Variants in PRKG1 observed in about 807,000 individuals in gnomAD.
PRKG1 encodes the protein cGMP-dependent protein kinase 1.
In PRKG1, 35 loss-of-function variants were observed where a neutral mutation model predicts 88.1. The observed-to-expected ratio is 0.40, with a 90% confidence interval of 0.30 to 0.53. The LOEUF is 0.53. Among genes scored for constraint, PRKG1 ranks in the 20% least tolerant of loss-of-function variants. PRKG1 has a pLI of 0.59. For missense variants in PRKG1, 540 were observed against 839.8 expected (o/e 0.64, Z 4.41); for synonymous variants, 303 against 292.5 (o/e 1.04, Z -0.37).
At chr10:52,081,922 A>G (rs180686547) in intron 7 of PRKG1, among the ~76,000 whole-genome samples, 105 of 152,238 alleles carry the variant, frequency 6.9e-4, no homozygotes, top group Non-Finnish European at 1.3e-3. Context: ...TAAACTGACC[A>G]TTTAATATCC....
intron 7 of PRKG1, among the ~76,000 whole-genome samples, chr10:52,114,589 G>T (rs1847644370): frequency 6.7e-6 from 1 of 149,354 alleles, no homozygotes; most frequent in East Asian, 1.9e-4. Flanking sequence ...CTTTTAAGCA[G>T]CAAATACCTA....
intron 8 of PRKG1, among the ~76,000 whole-genome samples, chr10:52,153,229 G>C (rs1837987673): frequency 6.6e-6 from 1 of 152,018 alleles, no homozygotes; most frequent in African/African-American, 2.4e-5. Flanking sequence ...GTGAAAAAAA[G>C]CATAGAAATA....
intron 3 of PRKG1, among the ~76,000 whole-genome samples, chr10:51,673,638 C>T (rs1840638225): frequency 6.6e-6 from 1 of 152,102 alleles, no homozygotes; most frequent in African/African-American, 2.4e-5. Context: ...TCTTGTGACC[C>T]CACTGTGTTT....
At chr10:51,357,962 T>A (rs1227657481) in intron 2 of PRKG1, among the ~76,000 whole-genome samples, 1 of 151,166 alleles carries the variant, frequency 6.6e-6, no homozygotes, top group Non-Finnish European at 1.5e-5. Context: ...ATTTCTAGAT[T>A]TTTTTTTAAG....
At chr10:51,487,147 C>A (rs2879571) in intron 3 of PRKG1, among the ~76,000 whole-genome samples, 1 of 152,034 alleles carries the variant, frequency 6.6e-6, no homozygotes, top group East Asian at 1.9e-4. Flanking sequence ...GCCAGTAACA[C>A]CTGTTCAAGA....
At position 51,078,653 on chromosome 10, in the gene PRKG1, A is replaced by G. The variant is rs543669545; in HGVS notation, c.311+3752A>G. Among the ~76,000 whole-genome samples, 23 of 149,430 alleles carry G rather than the reference A, an allele frequency of 1.5e-4. No homozygotes were observed. The East Asian group carries it at 1.6e-3, about 10-fold the overall frequency. On this transcript the variant is annotated intron_variant, in intron 1 of 17. Coordinates refer to ENST00000373980, the MANE Select transcript of PRKG1 (RefSeq NM_006258.4). Reference sequence around the variant, plus strand: ...ATTTATTGAGACGGAGTCTCGCTCTATCGCCCAGGCTGGAGTGCAGTGGTG... The same window carrying G: ...ATTTATTGAGACGGAGTCTCGCTCTGTCGCCCAGGCTGGAGTGCAGTGGTG...
chr10:51,173,594 A>G (rs2132012751), intron 2 of PRKG1, among the ~76,000 whole-genome samples: 1 of 152,066 alleles, frequency 6.6e-6, no homozygotes, highest in Non-Finnish European at 1.5e-5. Context: ...AGAAAATTAG[A>G]AAAAACTTTG....
chr10:51,373,761 T>C (rs939520473), intron 2 of PRKG1, among the ~76,000 whole-genome samples: 2 of 152,210 alleles, frequency 1.3e-5, no homozygotes, highest in African/African-American at 4.8e-5. Context: ...TGGATGAAGC[T>C]GGAGGCCATT....
intron 3 of PRKG1, among the ~76,000 whole-genome samples, chr10:51,795,564 A>G (rs747570379): frequency 8.5e-5 from 13 of 152,084 alleles, no homozygotes; most frequent in South Asian, 2.1e-4. Context: ...TTAGGCTAAC[A>G]TATGCCTTAA....
chr10:52,220,936 G>A (rs1192964993), intron 9 of PRKG1, among the ~76,000 whole-genome samples: 3 of 128,310 alleles, frequency 2.3e-5, no homozygotes, highest in African/African-American at 7.5e-5. Flanking sequence ...TTGCTGGATT[G>A]AATGATATTT....
At chr10:51,784,803 T>C (rs2132570332) in intron 3 of PRKG1, among the ~76,000 whole-genome samples, 1 of 152,260 alleles carries the variant, frequency 6.6e-6, no homozygotes, top group Non-Finnish European at 1.5e-5. Flanking sequence ...TAAATTTAGC[T>C]TGAAAAATAA....
rs571800150 is a variant in PRKG1, at chr10:51,860,741, G to GCAAAAATAC, written c.699-46764_699-46756dup. ...AGAAATAAGGACTTTGTTGAACTTG[G>GCAAAAATAC]CAAAAATACCCAGTTCAGAGATTAG... is the stretch of plus-strand genomic sequence containing the variant. On this transcript the variant is annotated intron_variant, in intron 4 of 17. Coordinates refer to ENST00000373980, the MANE Select transcript of PRKG1 (RefSeq NM_006258.4). Among the ~76,000 whole-genome samples the GCAAAAATAC allele has an allele frequency of 6.4e-4, 98 of 152,268 alleles. No individual in the cohort carries two copies. In the East Asian group the frequency reaches 0.015, roughly 23 times the overall value.
At chr10:51,564,848 T>C (rs1490542177) in intron 3 of PRKG1, among the ~76,000 whole-genome samples, 1 of 152,124 alleles carries the variant, frequency 6.6e-6, no homozygotes, top group Non-Finnish European at 1.5e-5. Context: ...TAATTGTGAA[T>C]TGGTTTTTCC....
intron 3 of PRKG1, among the ~76,000 whole-genome samples, chr10:51,499,103 C>G (rs529171402): frequency 6.6e-6 from 1 of 152,140 alleles, no homozygotes; most frequent in African/African-American, 2.4e-5. Flanking sequence ...GGTAAGGAGG[C>G]TTTGGTTCCT....
At chr10:51,183,911 T>TAGCCAATC (rs1282146319) in intron 2 of PRKG1, among the ~76,000 whole-genome samples, 1 of 152,172 alleles carries the variant, frequency 6.6e-6, no homozygotes, top group Non-Finnish European at 1.5e-5. Context: ...TTGGCAGACA[T>TAGCCAATC]AGCCAATCAG....
intron 2 of PRKG1, among the ~76,000 whole-genome samples, chr10:51,170,162 T>C (rs995180213): frequency 3.9e-5 from 6 of 152,132 alleles, no homozygotes; most frequent in African/African-American, 1.4e-4. Context: ...TTCTCCAATT[T>C]GTTAATTCAT....
chr10:51,639,489 TA>T (rs1353156782), intron 3 of PRKG1, among the ~76,000 whole-genome samples: 1 of 113,252 alleles, frequency 8.8e-6, no homozygotes, highest in African/African-American at 3.9e-5. Flanking sequence ...GACATGAGAT[TA>T]AAAAAAAGAC....
chr10:51,790,089 A>G (rs1030207686), intron 3 of PRKG1, among the ~76,000 whole-genome samples: 9 of 152,064 alleles, frequency 5.9e-5, no homozygotes, highest in African/African-American at 2.2e-4. Context: ...TGCCAAAGTG[A>G]TGGGATTACA....
chr10:51,806,000 A>G (rs1839296296), intron 4 of PRKG1, among the ~76,000 whole-genome samples: 1 of 152,226 alleles, frequency 6.6e-6, no homozygotes, highest in African/African-American at 2.4e-5. Flanking sequence ...GGTGCCTTCT[A>G]TATTGGGTGA....
Sources: gnomAD v4.1 joint callset for allele counts (sites outside exome capture counted in the v4.1 genomes callset) on GRCh38, gnomAD v4.1.1 for gene constraint, MANE v1.5 for transcripts, NCBI Gene and HGNC (gene_info 2026-07-23, HGNC 2026-07-21) for gene names.